GGA1: variants seen among roughly 807,000 people sequenced by gnomAD.
The protein encoded by GGA1 is golgi associated, gamma adaptin ear containing, ARF binding protein 1, also known as ADP-ribosylation factor-binding protein GGA1.
Under a neutral mutation model 76.9 loss-of-function variants are expected in GGA1, and 18 were observed. That is an observed-to-expected ratio of 0.23 (90% CI 0.16 to 0.35). GGA1 has a LOEUF of 0.35. Ranked by LOEUF, GGA1 falls within the 10% of genes least tolerant of loss-of-function variation. The probability of loss-of-function intolerance (pLI) is 1.00; values close to 1 mark genes in which losing one functional copy is unlikely to be tolerated. For synonymous variants in GGA1, 342 were observed against 354.7 expected (o/e 0.96, Z 0.40); for missense variants, 755 against 859.0 (o/e 0.88, Z 1.51).
chr22:37,623,256 C>T lies in GGA1; in HGVS notation c.610-71C>T. 33 of 1,419,750 alleles carry T rather than the reference C, an allele frequency of 2.3e-5. No individual in the cohort carries two copies. The South Asian group carries it at 3.8e-4, about 16-fold the overall frequency. 87.9% of individuals were successfully genotyped at this position (1,419,750 alleles called of 1,614,324 possible). Reference sequence around the variant, plus strand: ...CAACCCAGATCCCAGCACACATTCTCTCAAGTGGCAGGGGGCAGTGCCTCG... The same window carrying T: ...CAACCCAGATCCCAGCACACATTCTTTCAAGTGGCAGGGGGCAGTGCCTCG... On this transcript the variant is annotated intron_variant, in intron 7 of 16. Transcript: ENST00000343632. The surrounding 1 kb of genome is among the most constrained non-coding windows in gnomAD (Gnocchi z 4.6).
At chr22:37,609,028 G>A (rs1052115952) in intron 1 of GGA1, 125 bp downstream of exon 1, 10 of 1,408,710 alleles carry the variant, frequency 7.1e-6, no homozygotes, top group Non-Finnish European at 9.2e-6. Context: ...GCCCGGGAGG[G>A]GCGGTGTCCT....
chr22:37,631,051 G>A lies in GGA1; in HGVS notation c.1480G>A (p.Glu494Lys), dbSNP rs1382062528. The A allele has an allele frequency of 3.1e-5, 50 of 1,608,166 alleles. No individual in the cohort carries two copies. Among genetic ancestry groups the A allele is most frequent in the Middle Eastern group, 1.7e-4 (1 of 6,054 alleles). Residue 494 changes from glutamate to lysine, a missense_variant, in exon 14 of 17, where the codon GAG (glutamate) becomes AAG (lysine). Coordinates refer to ENST00000343632, the MANE Select transcript of GGA1 (RefSeq NM_013365.5). ...PRPPQQPVPT[E>K]LSLASITVPL... ...GCCTCCGCAGCAGCCCGTACCAACCGAGCTCTCACTGGCCAGCATCACTGT... is the reference window on the plus strand; with the variant it reads ...GCCTCCGCAGCAGCCCGTACCAACCAAGCTCTCACTGGCCAGCATCACTGT...
At position 37,632,034 on chromosome 22, in the gene GGA1, T is replaced by G; in HGVS notation, c.1567T>G (p.Phe523Val). Residue 523 changes from phenylalanine to valine, a missense_variant, in exon 15 of 17, where the codon TTC (phenylalanine) becomes GTC (valine). Coordinates refer to ENST00000343632, the MANE Select transcript of GGA1 (RefSeq NM_013365.5). This position sits in a 1 kb window ranked among gnomAD's most constrained non-coding sequence, Gnocchi z 5.1. ...CGTGACTGTGTATGACCAGCACGGC[T>G]TCCGCATCCTCTTCCATTTTGCCCG... ...LPVTVYDQHG[F>V]RILFHFARDP... 6.2e-7 allele frequency: 1 copy of G among 1,613,312 alleles called. No homozygotes were observed. The highest frequency in any genetic ancestry group is 1.7e-5 in the Admixed American group (1 of 60,006).
Position 37,624,763 on chromosome 22 carries a change from T to C in GGA1, c.833-206T>C, listed in dbSNP as rs1235383237. ...GTGTGTTGAGACAGCCCAGGCAGTA[T>C]GGCAGGGAGTGAATGAGGGAAGGGT... On this transcript the variant is annotated intron_variant, in intron 9 of 16. Coordinates refer to ENST00000343632, the MANE Select transcript of GGA1 (RefSeq NM_013365.5). This position sits in a 1 kb window ranked among gnomAD's most constrained non-coding sequence, Gnocchi z 4.3. The C allele has an allele frequency of 1.6e-6, 1 of 612,824 alleles. No homozygotes were observed. The highest frequency in any genetic ancestry group is 2.8e-6 in the Non-Finnish European group (1 of 361,554). The allele number at this position is 612,824 out of a possible 1,614,324, so 38.0% of individuals were successfully genotyped here. A position where few individuals can be genotyped will look rare whatever the true frequency, so the allele number is the denominator to read the frequency against.
At chr22:37,609,297 CT>C in intron 1 of GGA1, 1 of 1,118,482 alleles carries the variant, frequency 8.9e-7, no homozygotes, top group Non-Finnish European at 1.1e-6. Flanking sequence ...GGGAGGGACC[CT>C]ACTATTTTCA....
In GGA1 at chr22:37,621,692, A is replaced by T; in HGVS notation, c.605A>T (p.Gln202Leu). 6.4e-7 allele frequency: 1 copy of T among 1,554,134 alleles called. No homozygotes were observed. Among genetic ancestry groups the T allele is most frequent in the Non-Finnish European group, 8.7e-7 (1 of 1,147,634 alleles). Residue 202 changes from glutamine to leucine, a missense_variant, in exon 7 of 17, where the codon CAG becomes CTG. Physicochemically the swap from Gln to Leu is moderately radical, Grantham distance 113. Transcript: ENST00000343632. ...AANKLIKEMV[Q>L]EDQKRMEKIS... ...AATAAGCTCATCAAAGAGATGGTGC[A>T]GGAGGTAGCGGCCGAGCCCAGAGCA...
At position 37,632,448 on chromosome 22, in the gene GGA1, C is replaced by T; in HGVS notation, c.1742C>T (p.Pro581Leu). 4 of 1,613,966 alleles carry T rather than the reference C, an allele frequency of 2.5e-6. No homozygotes were observed. The highest frequency in any genetic ancestry group is 1.3e-5 in the African/African-American group (1 of 75,054). ...KLQPPSGTELPAFNPIVHPSA... is the reference protein window; with the variant it reads ...KLQPPSGTELLAFNPIVHPSA... ...CAGCCACCCTCGGGCACGGAGCTGC[C>T]AGCTTTTAACCCCATCGTCCACCCC... Residue 581 changes from proline (P) to leucine (L), a missense_variant, in exon 16 of 17, where the codon CCA becomes CTA. Coordinates refer to ENST00000343632, the MANE Select transcript of GGA1 (RefSeq NM_013365.5). The surrounding 1 kb of genome is among the most constrained non-coding windows in gnomAD (Gnocchi z 5.1).
At chr22:37,622,527 C>T (rs1303743460) in intron 7 of GGA1, among the ~76,000 whole-genome samples, 7 of 152,154 alleles carry the variant, frequency 4.6e-5, no homozygotes, top group Non-Finnish European at 7.3e-5. Context: ...AAGCGATCCT[C>T]CCACCTCAAC....
Position 37,631,006 on chromosome 22 carries a change from G to A in GGA1, c.1435G>A (p.Val479Met), listed in dbSNP as rs190695286. Reference protein sequence around the residue: ...SSSATSLLHTVSPEPPRPPQQ... With the variant: ...SSSATSLLHTMSPEPPRPPQQ... ...CAGCGCCACCAGCCTTCTCCACACC[G>A]TGTCCCCAGAGCCCCCCAGGCCTCC... is the stretch of plus-strand genomic sequence containing the variant. The change falls in exon 14 of 17, where the codon GTG (valine) becomes ATG (methionine). Residue 479 changes from valine (V) to methionine (M), a missense_variant. By Grantham distance (21) the Val-to-Met change is conservative. Transcript: ENST00000343632. The A allele has an allele frequency of 2.4e-5, 38 of 1,613,312 alleles. No individual in the cohort carries two copies. Among genetic ancestry groups the A allele is most frequent in the Middle Eastern group, 1.7e-4 (1 of 6,048 alleles).
At chr22:37,628,973 C>T (rs1931314370) in intron 11 of GGA1, among the ~76,000 whole-genome samples, 2 of 152,230 alleles carry the variant, frequency 1.3e-5, no homozygotes, top group South Asian at 2.1e-4. Flanking sequence ...CCTTCAGCGT[C>T]GCCTCCAGTC....
intron 14 of GGA1, among the ~76,000 whole-genome samples, chr22:37,631,552 C>T (rs1338320032): frequency 6.6e-6 from 1 of 152,204 alleles, no homozygotes; most frequent in African/African-American, 2.4e-5. Flanking sequence ...CCTCTATGAG[C>T]TCCCTGTGAC....
chr22:37,619,488 C>G (rs1929479457), intron 4 of GGA1, among the ~76,000 whole-genome samples: 1 of 151,950 alleles, frequency 6.6e-6, no homozygotes, highest in South Asian at 2.1e-4. Flanking sequence ...GAGCAATTCT[C>G]CTGCCTCATC....
rs1307198078 is a variant in GGA1 at position 37,632,016 on chromosome 22, G to A, written c.1549G>A (p.Val517Met). ...CACAGGCAACATCCTGCCCGTGACT[G>A]TGTATGACCAGCACGGCTTCCGCAT... is the stretch of plus-strand genomic sequence containing the variant. ...IKPSNILPVT[V>M]YDQHGFRILF... The change falls in exon 15 of 17, where the codon GTG becomes ATG. Residue 517 changes from valine (V) to methionine (M), a missense_variant. Physicochemically the swap from Val to Met is conservative, Grantham distance 21. Transcript: ENST00000343632. The surrounding 1 kb of genome is among the most constrained non-coding windows in gnomAD (Gnocchi z 5.1). The A allele has an allele frequency of 6.2e-7, 1 of 1,612,464 alleles. No homozygotes were observed. Among genetic ancestry groups the A allele is most frequent in the Non-Finnish European group, 8.5e-7 (1 of 1,179,724 alleles).
intron 2 of GGA1, among the ~76,000 whole-genome samples, chr22:37,616,338 A>G (rs1240379464): frequency 6.6e-6 from 1 of 152,156 alleles, no homozygotes; most frequent in Admixed American, 6.5e-5. Context: ...TGAGGCGGGA[A>G]TGACCGTGCT....
At position 37,623,524 on chromosome 22, in the gene GGA1, C is replaced by G; in HGVS notation, c.751-28C>G. ...TGCCCACTCCACAGCCCACGCGGAC[C>G]CTGACCCGCCCATCCTGCTGCCCTC... On this transcript the variant is annotated intron_variant, in intron 8 of 16. Coordinates refer to ENST00000343632, the MANE Select transcript of GGA1 (RefSeq NM_013365.5). This position sits in a 1 kb window ranked among gnomAD's most constrained non-coding sequence, Gnocchi z 4.6. The G allele has an allele frequency of 6.2e-7, 1 of 1,613,016 alleles. No individual in the cohort carries two copies. Among genetic ancestry groups the G allele is most frequent in the South Asian group, 1.1e-5 (1 of 91,056 alleles).
At chr22:37,630,684 A>G in intron 13 of GGA1, 1 of 549,926 alleles carries the variant, frequency 1.8e-6, no homozygotes, top group South Asian at 2.4e-5. Flanking sequence ...CTCCTACGTC[A>G]GGCTCCTGAG....
Position 37,624,707 on chromosome 22 carries a change from G to A in GGA1, c.833-262G>A. ...CTGGGGCAGCCAGAGAGCAGAGCTG[G>A]AGTGGAGGCCTGGAGGCGGGAGCGG... On this transcript the variant is annotated intron_variant, in intron 9 of 16. Coordinates refer to ENST00000343632, the MANE Select transcript of GGA1 (RefSeq NM_013365.5). The surrounding 1 kb of genome is among the most constrained non-coding windows in gnomAD (Gnocchi z 4.3). 2.4e-6 allele frequency: 1 copy of A among 422,952 alleles called. No individual in the cohort carries two copies. Among genetic ancestry groups the A allele is most frequent in the African/African-American group, 2.0e-5 (1 of 49,664 alleles). 26.2% of individuals were successfully genotyped at this position (422,952 alleles called of 1,614,324 possible). A position where few individuals can be genotyped will look rare whatever the true frequency, so the allele number is the denominator to read the frequency against.
rs750986802 is a variant in GGA1, at chr22:37,625,104, G to A, written c.940+28G>A. On this transcript the variant is annotated intron_variant, in intron 10 of 16. Coordinates refer to ENST00000343632, the MANE Select transcript of GGA1 (RefSeq NM_013365.5). This position sits in a 1 kb window ranked among gnomAD's most constrained non-coding sequence, Gnocchi z 4.1. ...GAGGAGGTGGCAGGAGAGCTGGGAG[G>A]GCACCCATCAGGCTGGAGGGGCACA... The A allele has an allele frequency of 6.4e-7, 1 of 1,555,942 alleles. No homozygotes were observed. Among genetic ancestry groups the A allele is most frequent in the Non-Finnish European group, 8.7e-7 (1 of 1,147,406 alleles).
chr22:37,630,711 T>G, intron 13 of GGA1, 192 bp from the exon 14 acceptor site: 1 of 569,042 alleles, frequency 1.8e-6, no homozygotes, highest in South Asian at 2.2e-5. Flanking sequence ...GGACCACAGG[T>G]GTGCGCTACC....
Sources: gnomAD v4.1 joint callset for allele counts (sites outside exome capture counted in the v4.1 genomes callset) on GRCh38, gnomAD v4.1.1 for gene constraint, Gnocchi (gnomAD v3.1) non-coding constraint, MANE v1.5 for transcripts, NCBI Gene and HGNC (gene_info 2026-07-23, HGNC 2026-07-21) for gene names.